PRUNE2: variants seen among roughly 807,000 people sequenced by gnomAD.
PRUNE2 encodes protein prune homolog 2.
A neutral mutation model predicts 252.0 loss-of-function variants in PRUNE2; 164 were observed. The observed-to-expected ratio is 0.65, with a 90% confidence interval of 0.57 to 0.74. The LOEUF (loss-of-function observed/expected upper bound fraction) is 0.74, where lower values mean the gene tolerates loss of function less well. Ranked by LOEUF, PRUNE2 falls within the 30% of genes least tolerant of loss-of-function variation. PRUNE2 has a pLI of 0.00. For missense variants in PRUNE2, 3,495 were observed against 3,711.0 expected, an observed-to-expected ratio of 0.94 and a Z score of 1.51; for synonymous variants, 1,292 against 1,350.2, an observed-to-expected ratio of 0.96 and a Z score of 0.94.
intron 5 of PRUNE2, among the ~76,000 whole-genome samples, chr9:76,824,493 A>C (rs2058227414): frequency 6.6e-6 from 1 of 152,220 alleles, no homozygotes; most frequent in African/African-American, 2.4e-5. Flanking sequence ...CTCTGACAAT[A>C]AGAGTTATTA....
At chr9:76,682,843 TTC>T (rs10541538) in intron 9 of PRUNE2, among the ~76,000 whole-genome samples, 86,060 of 151,888 alleles carry the variant, frequency 0.57, 27,545 homozygotes, top group South Asian at 0.71. Flanking sequence ...ATTCAAATTT[TTC>T]TTTTAACTAT....
In PRUNE2 at chr9:76,706,879, C is replaced by T; in HGVS notation, c.5395G>A (p.Ala1799Thr). ...GAAGCTTTGGGAGATATTTGCCATG[C>T]AACATCTCCTGTTGTCCCTGTTTCT... ...SPETGTTGDV[A>T]WQISPKASFP... The change falls in exon 8 of 19, where the codon GCA becomes ACA. Residue 1799 changes from alanine to threonine, a missense_variant. Transcript: ENST00000376718. The T allele has an allele frequency of 6.3e-7, 1 of 1,595,204 alleles. No homozygotes were observed. Among genetic ancestry groups the T allele is most frequent in the East Asian group, 2.2e-5 (1 of 44,674 alleles).
chr9:76,873,412 G>A (rs2061326511), intron 1 of PRUNE2, among the ~76,000 whole-genome samples: 1 of 152,138 alleles, frequency 6.6e-6, no homozygotes, highest in Admixed American at 6.5e-5. Context: ...ACTTCCCGAG[G>A]AAACCACCCA....
chr9:76,694,157 TTC>T (rs1026590659), intron 9 of PRUNE2, among the ~76,000 whole-genome samples: 9 of 152,038 alleles, frequency 5.9e-5, no homozygotes, highest in Non-Finnish European at 1.2e-4. Flanking sequence ...CTGTAACTAA[TTC>T]TGTTTTATTT....
At chr9:76,842,919 G>A (rs567580358) in intron 4 of PRUNE2, among the ~76,000 whole-genome samples, 35 of 152,274 alleles carry the variant, frequency 2.3e-4, no homozygotes, top group Admixed American at 1.5e-3. Context: ...ACAGTGTGGC[G>A]ATTCCTCAGG....
chr9:76,696,887 C>T (rs944424731), intron 9 of PRUNE2, among the ~76,000 whole-genome samples: 4 of 152,236 alleles, frequency 2.6e-5, no homozygotes, highest in Admixed American at 2.6e-4. Context: ...CACTCTGTCT[C>T]CCCACTCCTG....
At chr9:76,738,265 T>A (rs954254993) in intron 6 of PRUNE2, 43 of 152,218 alleles carry the variant, frequency 2.8e-4, no homozygotes, top group African/African-American at 1.0e-3. Flanking sequence ...ACGGGTTTTT[T>A]CACTAAATCG....
At chr9:76,647,545 C>T (rs958850544) in intron 11 of PRUNE2, among the ~76,000 whole-genome samples, 5 of 152,112 alleles carry the variant, frequency 3.3e-5, no homozygotes, top group African/African-American at 4.8e-5. Flanking sequence ...GAAATTAAAA[C>T]TACTATATAA....
chr9:76,683,166 A>G (rs1439258200), intron 9 of PRUNE2, among the ~76,000 whole-genome samples: 10 of 152,232 alleles, frequency 6.6e-5, no homozygotes, highest in African/African-American at 1.7e-4. Flanking sequence ...AGGACTGACC[A>G]ATCAACAGAG....
intron 9 of PRUNE2, among the ~76,000 whole-genome samples, chr9:76,671,315 G>A (rs1452852107): frequency 6.7e-6 from 1 of 148,854 alleles, no homozygotes; most frequent in East Asian, 2.0e-4. Flanking sequence ...GATGGAAGAT[G>A]AAATGAATGA....
chr9:76,864,081 T>C (rs140378791), intron 1 of PRUNE2, among the ~76,000 whole-genome samples: 51 of 152,222 alleles, frequency 3.4e-4, no homozygotes, highest in African/African-American at 1.2e-3. Flanking sequence ...GAAAATATGG[T>C]ACAAACACAC....
At chr9:76,851,815 G>A (rs768599197) in intron 2 of PRUNE2, among the ~76,000 whole-genome samples, 3 of 150,362 alleles carry the variant, frequency 2.0e-5, no homozygotes, top group Middle Eastern at 3.2e-3. Flanking sequence ...ACAGGAGATA[G>A]GAGAGAGGTA....
intron 6 of PRUNE2, among the ~76,000 whole-genome samples, chr9:76,777,469 G>A (rs115620044): frequency 0.011 from 1,741 of 152,290 alleles, 31 homozygotes; most frequent in African/African-American, 0.039. Context: ...ACTCCATACA[G>A]TTTGCTGGCT....
rs571284252 is a variant in PRUNE2 at position 76,846,613 on chromosome 9, T to C, written c.410A>G (p.Asn137Ser). The C allele has an allele frequency of 2.1e-5, 34 of 1,614,116 alleles. No homozygotes were observed. In the African/African-American group the frequency reaches 2.3e-4, roughly 11 times the overall value. ...AGAGGAAGACTCTCGGAACTCAACG[T>C]TGGCATCGCTCTGCTCAACCGGATT... is the stretch of plus-strand genomic sequence containing the variant. The part of the protein sequence containing the change: ...VINPVEQSDA[N>S]VEFRESSSSL... The change falls in exon 4 of 19, where the codon AAC becomes AGC. Residue 137 changes from asparagine (N) to serine (S), a missense_variant. Transcript: ENST00000376718.
chr9:76,710,897 G>A lies in PRUNE2; in HGVS notation c.1377C>T (p.His459=), dbSNP rs1480600598. Reference sequence around the variant, plus strand: ...AGTCAAGCCCTGGGAGAAGGGTGTGGTGAGGCCCAGCACCTTCTCCCACGG... The same window carrying A: ...AGTCAAGCCCTGGGAGAAGGGTGTGATGAGGCCCAGCACCTTCTCCCACGG... ...DSPVGEGAGP[H]HTLLPGLDSY... The change falls in exon 8 of 19, where the codon CAC becomes CAT. Residue 459 remains histidine (H), a synonymous_variant. Coordinates refer to ENST00000376718, the MANE Select transcript of PRUNE2 (RefSeq NM_015225.3). The A allele has an allele frequency of 1.3e-6, 2 of 1,550,550 alleles. No homozygotes were observed. Among genetic ancestry groups the A allele is most frequent in the Non-Finnish European group, 1.7e-6 (2 of 1,149,498 alleles).
At chr9:76,696,847 C>T (rs2045438227) in intron 9 of PRUNE2, among the ~76,000 whole-genome samples, 2 of 152,214 alleles carry the variant, frequency 1.3e-5, no homozygotes, top group African/African-American at 4.8e-5. Context: ...GCCTTTTCTA[C>T]CTGAAATAGT....
intron 9 of PRUNE2, among the ~76,000 whole-genome samples, chr9:76,685,142 G>A (rs1049961639): frequency 1.3e-5 from 2 of 152,308 alleles, no homozygotes; most frequent in Admixed American, 6.5e-5. Flanking sequence ...GGAATGAGAG[G>A]ACAGATTTCA....
chr9:76,850,665 C>T lies in PRUNE2; in HGVS notation c.142G>A (p.Val48Ile). ...TFTYAYFLDK[V>I]SPPGVLCLPV... ...AAACACAGAACCCCTGGTGGACTGA[C>T]CTACCAAGAAAAAAGTTGACTGAAT... The change falls in exon 3 of 19, where the codon GTC (valine) becomes ATC (isoleucine). Residue 48 changes from valine to isoleucine, a missense_variant and splice_region_variant. By Grantham distance (29) the Val-to-Ile change is conservative (BLOSUM62 3). Transcript: ENST00000376718. The T allele has an allele frequency of 1.2e-6, 2 of 1,607,058 alleles. No homozygotes were observed. The highest frequency in any genetic ancestry group is 1.7e-6 in the Non-Finnish European group (2 of 1,176,230).
intron 16 of PRUNE2, chr9:76,624,987 A>AG: frequency 7.8e-7 from 1 of 1,276,862 alleles, no homozygotes; most frequent in Non-Finnish European, 1.0e-6. Flanking sequence ...GTACACACAC[A>AG]GGGTCCAGCA....
Sources: gnomAD v4.1 joint callset for allele counts (sites outside exome capture counted in the v4.1 genomes callset) on GRCh38, gnomAD v4.1.1 for gene constraint, MANE v1.5 for transcripts, NCBI Gene and HGNC (gene_info 2026-07-23, HGNC 2026-07-21) for gene names.